The following PTDSS2 variants were observed in gnomAD, a reference collection of about 807,000 sequenced individuals.
PTDSS2 encodes phosphatidylserine synthase 2.
PTDSS2 carries 41 observed loss-of-function variants against 64.7 expected under a neutral mutation model. That is an observed-to-expected ratio of 0.63 (90% CI 0.49 to 0.82). The LOEUF is 0.82. PTDSS2 is among the 40% of genes least tolerant of loss of function. The pLI, the probability that PTDSS2 is intolerant of heterozygous loss-of-function variation, is 0.00. For synonymous variants in PTDSS2, 297 were observed against 277.8 expected (o/e 1.07, Z -0.69); for missense variants, 485 against 650.0 (o/e 0.75, Z 2.76).
At chr11:486,854 A>G (rs1848416079) in intron 4 of PTDSS2, 85 bp from the exon 5 acceptor site, 3 of 1,403,078 alleles carry the variant, frequency 2.1e-6, no homozygotes, top group South Asian at 1.5e-5. Flanking sequence ...TCTCAAAAAA[A>G]TAAAATAAAT....
chr11:472,998 G>A (rs1847548997), intron 2 of PTDSS2, among the ~76,000 whole-genome samples: 1 of 152,222 alleles, frequency 6.6e-6, no homozygotes, highest in Admixed American at 6.5e-5. Flanking sequence ...GAGGATGGGT[G>A]CATCCGAGCG....
At chr11:455,671 C>T (rs558729150) in intron 1 of PTDSS2, among the ~76,000 whole-genome samples, 47 of 152,384 alleles carry the variant, frequency 3.1e-4, no homozygotes, top group African/African-American at 8.4e-4. Context: ...GCTCCTCGCG[C>T]TCCCTTCTTG....
intron 1 of PTDSS2, among the ~76,000 whole-genome samples, chr11:453,360 C>T (rs1564957304): frequency 2.0e-5 from 3 of 152,160 alleles, no homozygotes; most frequent in Non-Finnish European, 2.9e-5. Flanking sequence ...TGCCTGTGAA[C>T]GTTGCCGCCT....
At chr11:490,308 G>A in intron 11 of PTDSS2, 112 bp from the exon 12 acceptor site, 1 of 1,470,906 alleles carries the variant, frequency 6.8e-7, no homozygotes, top group Non-Finnish European at 9.4e-7. Context: ...AGGGTACCCG[G>A]CACCCACCCA....
intron 1 of PTDSS2, among the ~76,000 whole-genome samples, chr11:451,196 TCTC>T (rs59031645): frequency 3.0e-4 from 46 of 152,264 alleles, no homozygotes; most frequent in African/African-American, 1.1e-3. Context: ...GCTCTGTTTC[TCTC>T]CTCAGTTGCC....
rs1323766606 is a variant in PTDSS2 at position 461,523 on chromosome 11, A to C, written c.284+1235A>C. On this transcript the variant is annotated intron_variant, in intron 2 of 11. Transcript: ENST00000308020. The surrounding 1 kb of genome is among the most constrained non-coding windows in gnomAD (Gnocchi z 4.2). ...AGCTCACCCTCCATCCTCACCTGGG[A>C]GGCGCAGGTGGCCTCTCCTGTCCTG... Among the ~76,000 whole-genome samples the C allele has an allele frequency of 6.6e-6, 1 of 152,046 alleles. No individual in the cohort carries two copies. Among genetic ancestry groups the C allele is most frequent in the Admixed American group, 6.5e-5 (1 of 15,270 alleles).
At position 488,328 on chromosome 11, in the gene PTDSS2, GC is replaced by G. The variant is rs1173747489; in HGVS notation, c.735+21del. The stretch of plus-strand genomic sequence containing the variant: ...GTGGGATCACGTAGGTGCCAGCACA[GC>G]CCCCGGGGCAGTCGGTGCAGGCTGA... On this transcript the variant is annotated intron_variant, in intron 7 of 11. Transcript: ENST00000308020. 1.9e-6 allele frequency: 3 copies of G among 1,592,954 alleles called. No individual in the cohort carries two copies. The highest frequency in any genetic ancestry group is 2.6e-6 in the Non-Finnish European group (3 of 1,162,660).
intron 7 of PTDSS2, 77 bp downstream of exon 7, chr11:488,389 C>T: frequency 1.5e-6 from 2 of 1,371,144 alleles, no homozygotes; most frequent in East Asian, 2.3e-5. Context: ...CCAGCGCGGC[C>T]CCTGGACCCC....
intron 3 of PTDSS2, among the ~76,000 whole-genome samples, chr11:475,004 AGTTTGTGTGATACGGACATATTCACGT>A (rs1161095163): frequency 0.045 from 3,124 of 69,066 alleles, 51 homozygotes; most frequent in Non-Finnish European, 0.062. Context: ...CATATTCACG[AGTTTGTGTGATACGGACATATTCACGT>A]GTTTGTGTGA....
chr11:449,068 A>T (rs1274048994), upstream of PTDSS2, among the ~76,000 whole-genome samples: 68 of 136,304 alleles, frequency 5.0e-4, no homozygotes, highest in Admixed American at 3.7e-4. Context: ...TTCACCTAGC[A>T]TTTTTTTTTT....
In PTDSS2 at chr11:487,455, T is replaced by G. The variant is rs150004332; in HGVS notation, c.606T>G (p.Leu202=). The G allele has an allele frequency of 6.2e-7, 1 of 1,613,968 alleles. No individual in the cohort carries two copies. Among genetic ancestry groups the G allele is most frequent in the Admixed American group, 1.7e-5 (1 of 60,032 alleles). ...ATGGCTTTGTTCCCGCGCACTTTCT[T>G]GGCTGGTACCTGAAGGTACGGCACC... ...KLDGFVPAHF[L]GWYLKTLMIR... The change falls in exon 6 of 12, where the codon CTT becomes CTG. Residue 202 remains leucine (L), a synonymous_variant. Coordinates refer to ENST00000308020, the MANE Select transcript of PTDSS2 (RefSeq NM_030783.3).
rs748010942 is a variant in PTDSS2 at position 486,962 on chromosome 11, T to C, written c.459T>C (p.Phe153=). Residue 153 remains phenylalanine, a synonymous_variant, in exon 5 of 12, where the codon TTT becomes TTC. Coordinates refer to ENST00000308020, the MANE Select transcript of PTDSS2 (RefSeq NM_030783.3). ...AGACTGTCCAGGACGGCCGGCAGTT[T>C]CTAAAGTATGTTGACCCCAAGCTGG... ...LFQTVQDGRQ[F]LKYVDPKLGV... The C allele has an allele frequency of 4.3e-6, 7 of 1,612,972 alleles. No individual in the cohort carries two copies. The highest frequency in any genetic ancestry group is 1.3e-5 in the African/African-American group (1 of 75,064).
At chr11:483,928 G>A (rs1220588055) in intron 4 of PTDSS2, among the ~76,000 whole-genome samples, 4 of 152,132 alleles carry the variant, frequency 2.6e-5, no homozygotes, top group African/African-American at 9.7e-5. Flanking sequence ...TGTCTGTCAG[G>A]CTTTCCACTG....
intron 1 of PTDSS2, among the ~76,000 whole-genome samples, chr11:451,838 G>C (rs1025488676): frequency 1.3e-5 from 2 of 152,192 alleles, no homozygotes; most frequent in South Asian, 2.1e-4. Context: ...CTTCCGTGAG[G>C]TGTGGGCAGC....
chr11:482,809 G>T (rs1044800146), intron 4 of PTDSS2, among the ~76,000 whole-genome samples: 3 of 145,286 alleles, frequency 2.1e-5, no homozygotes, highest in Non-Finnish European at 4.5e-5. Flanking sequence ...AGTGGAGAAG[G>T]TTCTGTGAGT....
chr11:471,557 G>T (rs7108364), intron 2 of PTDSS2, among the ~76,000 whole-genome samples: 11 of 151,920 alleles, frequency 7.2e-5, no homozygotes, highest in Admixed American at 3.3e-4. Flanking sequence ...CTGGGGTGAC[G>T]CACGCCTGTC....
In PTDSS2 at chr11:489,387, C is replaced by T; in HGVS notation, c.855-13C>T. 4 of 1,610,808 alleles carry T rather than the reference C, an allele frequency of 2.5e-6. No homozygotes were observed. Among genetic ancestry groups the T allele is most frequent in the Non-Finnish European group, 3.4e-6 (4 of 1,178,468 alleles). ...GGCTGCCTTCCTCAGGCTGCCGGCT[C>T]TGTGGTTCCCAGGGGCAAGATGAAG... On this transcript the variant is annotated splice_polypyrimidine_tract_variant and intron_variant, in intron 8 of 11. Transcript: ENST00000308020.
At position 476,789 on chromosome 11, in the gene PTDSS2, C is replaced by A. The variant is rs543606887; in HGVS notation, c.368-2296C>A. Among the ~76,000 whole-genome samples the A allele has an allele frequency of 1.3e-5, 2 of 152,252 alleles. No individual in the cohort carries two copies. Among genetic ancestry groups the A allele is most frequent in the South Asian group, 4.1e-4 (2 of 4,820 alleles). On this transcript the variant is annotated intron_variant, in intron 3 of 11. Coordinates refer to ENST00000308020, the MANE Select transcript of PTDSS2 (RefSeq NM_030783.3). The surrounding 1 kb of genome is among the most constrained non-coding windows in gnomAD (Gnocchi z 4.9). ...CAGGACTGGGGGTTCCTGGGGTGTT[C>A]AGTTTTTAGTCTGAGCTCTGCTCTA...
chr11:484,988 C>CGT (rs1190428787), intron 4 of PTDSS2, among the ~76,000 whole-genome samples: 4 of 103,844 alleles, frequency 3.9e-5, no homozygotes, highest in African/African-American at 3.8e-5. Flanking sequence ...TGCACGGGCA[C>CGT]GTGTGCTCAC....
Sources: allele counts gnomAD v4.1 joint callset (sites outside exome capture counted in the v4.1 genomes callset), GRCh38; gene constraint gnomAD v4.1.1; non-coding constraint Gnocchi (gnomAD v3.1); transcripts MANE v1.5; gene names NCBI Gene and HGNC (gene_info 2026-07-23, HGNC 2026-07-21).